The following TPTE variants were observed in gnomAD, a reference collection of about 807,000 sequenced individuals.
TPTE encodes the protein putative tyrosine-protein phosphatase TPTE.
Under a neutral mutation model 84.1 loss-of-function variants are expected in TPTE, and 59 were observed. The ratio of observed to expected loss-of-function variants is 0.70; its 90% confidence interval spans 0.57 to 0.87. TPTE has a LOEUF of 0.87. TPTE is among the 40% of genes least tolerant of loss of function. The pLI is 0.00. For missense variants in TPTE, 382 were observed against 659.6 expected, an observed-to-expected ratio of 0.58 and a Z score of 4.61; for synonymous variants, 130 against 223.5, an observed-to-expected ratio of 0.58 and a Z score of 3.73.
intron 14 of TPTE, among the ~76,000 whole-genome samples, chr21:10,574,116 G>A (rs1402503191): frequency 6.6e-6 from 1 of 152,312 alleles, no homozygotes; most frequent in African/African-American, 2.4e-5. Flanking sequence ...TATAGTCGGG[G>A]CATATTGCTT....
At chr21:10,536,975 C>T (rs1394148829) in intron 3 of TPTE, among the ~76,000 whole-genome samples, 2 of 152,308 alleles carry the variant, frequency 1.3e-5, no homozygotes, top group African/African-American at 4.8e-5. Context: ...GTTCCTCACA[C>T]CCAGAGCTCT....
At chr21:10,565,083 A>G (rs1206426930) in intron 10 of TPTE, among the ~76,000 whole-genome samples, 10 of 152,306 alleles carry the variant, frequency 6.6e-5, no homozygotes, top group Admixed American at 5.9e-4. Flanking sequence ...CTGTGTTTGC[A>G]GATGATACAT....
intron 7 of TPTE, among the ~76,000 whole-genome samples, chr21:10,548,512 G>T (rs913455659): frequency 6.6e-6 from 1 of 152,304 alleles, no homozygotes; most frequent in Non-Finnish European, 1.5e-5. Flanking sequence ...GCTTCCCCTG[G>T]CAGGCACCAC....
At chr21:10,546,878 A>G (rs991438853) in intron 7 of TPTE, among the ~76,000 whole-genome samples, 2 of 152,306 alleles carry the variant, frequency 1.3e-5, no homozygotes, top group Non-Finnish European at 2.9e-5. Context: ...AGTGCAAGGT[A>G]AACAGCCAGT....
intron 9 of TPTE, among the ~76,000 whole-genome samples, chr21:10,559,915 CATATAT>C (rs1385882388): frequency 6.6e-6 from 1 of 151,694 alleles, no homozygotes; most frequent in East Asian, 1.9e-4. Context: ...ATATGAGTCT[CATATAT>C]ATCTATATAT....
intron 3 of TPTE, among the ~76,000 whole-genome samples, chr21:10,535,083 T>C (rs1197665244): frequency 6.6e-6 from 1 of 152,302 alleles, no homozygotes; most frequent in East Asian, 1.9e-4. Context: ...CTTTGCTAGC[T>C]TTTTCTGGTT....
chr21:10,588,932 A>T (rs1170517034), intron 17 of TPTE, among the ~76,000 whole-genome samples: 1 of 152,304 alleles, frequency 6.6e-6, no homozygotes, highest in African/African-American at 2.4e-5. Context: ...CTTTTTGTTG[A>T]TTTCAACCTT....
At chr21:10,563,617 A>T (rs1175871969) in intron 10 of TPTE, among the ~76,000 whole-genome samples, 1 of 152,308 alleles carries the variant, frequency 6.6e-6, no homozygotes, top group East Asian at 1.9e-4. Flanking sequence ...GCCTCATGGT[A>T]ACCTCAAACC....
chr21:10,571,099 C>G (rs1287014687), intron 14 of TPTE, among the ~76,000 whole-genome samples: 32 of 152,286 alleles, frequency 2.1e-4, no homozygotes, highest in African/African-American at 7.7e-4. Flanking sequence ...TTGGCAATAC[C>G]CCATAACTAG....
intron 6 of TPTE, among the ~76,000 whole-genome samples, chr21:10,542,935 A>G (rs1389014504): frequency 6.6e-6 from 1 of 152,088 alleles, no homozygotes; most frequent in Non-Finnish European, 1.5e-5. Context: ...ATAGGAATTC[A>G]TTGGTTTCTG....
chr21:10,555,799 T>C (rs1177799804), intron 8 of TPTE, among the ~76,000 whole-genome samples: 2 of 152,308 alleles, frequency 1.3e-5, no homozygotes, highest in African/African-American at 4.8e-5. Flanking sequence ...TTCTAGTCTA[T>C]CAATGTTTAT....
chr21:10,563,699 TTCACTAATGAAAGACAGGAAGGAAAGAAG>T (rs1313882821), intron 10 of TPTE, among the ~76,000 whole-genome samples: 5 of 152,308 alleles, frequency 3.3e-5, no homozygotes, highest in Non-Finnish European at 7.3e-5. Context: ...GAAAATTACC[TTCACTAATGAAAGACAGGAAGGAAAGAAG>T]GAAGAGAAGA....
chr21:10,590,334 C>G (rs1275399277), intron 17 of TPTE, 128 bp from the exon 18 acceptor site: 1 of 1,524,294 alleles, frequency 6.6e-7, no homozygotes, highest in Non-Finnish European at 8.9e-7. Context: ...GCACTCCAGC[C>G]TGCGTGACAC....
chr21:10,527,875 CATG>C (rs1158750780), intron 3 of TPTE, among the ~76,000 whole-genome samples: 10 of 152,300 alleles, frequency 6.6e-5, no homozygotes, highest in Admixed American at 4.6e-4. Context: ...ATCTGTGACT[CATG>C]AAGAGCATGA....
intron 17 of TPTE, among the ~76,000 whole-genome samples, chr21:10,590,219 G>A (rs1475515168): frequency 1.6e-4 from 25 of 152,374 alleles, no homozygotes; most frequent in Admixed American, 3.9e-4. Flanking sequence ...AAACCTCATC[G>A]TGTCCTTTTG....
chr21:10,525,393 C>T (rs1381283279), intron 2 of TPTE, among the ~76,000 whole-genome samples: 1 of 152,296 alleles, frequency 6.6e-6, no homozygotes, highest in Non-Finnish European at 1.5e-5. Flanking sequence ...GGTCCTATCT[C>T]CAGGAACGTT....
At chr21:10,595,869 A>C (rs1436913787) in intron 19 of TPTE, 113 bp from the exon 20 acceptor site, 1 of 1,359,230 alleles carries the variant, frequency 7.4e-7, no homozygotes. Flanking sequence ...CATCCAGTAA[A>C]TGTTTCCTTA....
chr21:10,553,585 C>G (rs1357377002), intron 8 of TPTE, among the ~76,000 whole-genome samples: 1 of 152,308 alleles, frequency 6.6e-6, no homozygotes, highest in African/African-American at 2.4e-5. Context: ...TCTTTCCCCA[C>G]TCCAAACAAA....
At position 10,603,480 on chromosome 21, in the gene TPTE, G is replaced by A. The variant is rs1200958538; in HGVS notation, c.1450-82G>A. 9.6e-6 allele frequency: 13 copies of A among 1,347,356 alleles called. No homozygotes were observed. In the South Asian group the frequency reaches 1.4e-4, roughly 15 times the overall value. 83.5% of individuals were successfully genotyped at this position (1,347,356 alleles called of 1,614,324 possible). A position where few individuals can be genotyped will look rare whatever the true frequency, so the allele number is the denominator to read the frequency against. ...ATAATTGTTTGATAAATATAAAAAA[G>A]AATAAAGAAAGGAACTTCAATTTCT... On this transcript the variant is annotated intron_variant, in intron 22 of 23. Transcript: ENST00000618007.
Sources: gnomAD v4.1 joint callset for allele counts (sites outside exome capture counted in the v4.1 genomes callset) on GRCh38, gnomAD v4.1.1 for gene constraint, MANE v1.5 for transcripts, NCBI Gene and HGNC (gene_info 2026-07-23, HGNC 2026-07-21) for gene names.